Variants in ERC1 observed in about 807,000 individuals in gnomAD.
ERC1 encodes the protein RAB6 interacting protein 2.
A neutral mutation model predicts 132.0 loss-of-function variants in ERC1; 56 were observed. The observed-to-expected ratio is 0.42, with a 90% CI of 0.34 to 0.53. ERC1 has a LOEUF of 0.53. Ranked by LOEUF, ERC1 falls within the 20% of genes least tolerant of loss-of-function variation. The pLI is 0.03. For missense variants in ERC1, 1,202 were observed against 1,349.9 expected (o/e 0.89, Z 1.72); for synonymous variants, 478 against 476.1 (o/e 1.00, Z -0.05).
intron 2 of ERC1, among the ~76,000 whole-genome samples, chr12:1,043,980 AT>A (rs77692847): frequency 4.0e-5 from 6 of 151,590 alleles, no homozygotes; most frequent in East Asian, 3.9e-4. Flanking sequence ...GCATTATATA[AT>A]TTTTTTTTGA....
intron 15 of ERC1, among the ~76,000 whole-genome samples, chr12:1,363,860 G>A (rs887379604): frequency 6.6e-6 from 1 of 152,122 alleles, no homozygotes; most frequent in Non-Finnish European, 1.5e-5. Context: ...CCAACCATGA[G>A]TGTATTTCTC....
At chr12:1,344,953 A>G (rs2084295110) in intron 15 of ERC1, among the ~76,000 whole-genome samples, 1 of 152,128 alleles carries the variant, frequency 6.6e-6, no homozygotes, top group Admixed American at 6.6e-5. Context: ...CTTATTTGTT[A>G]TTCTTTTATA....
chr12:1,167,864 G>A (rs139751085), intron 8 of ERC1, among the ~76,000 whole-genome samples: 19 of 151,688 alleles, frequency 1.3e-4, no homozygotes, highest in African/African-American at 3.4e-4. Flanking sequence ...CTACAGGCGC[G>A]CGCCACCACA....
intron 14 of ERC1, among the ~76,000 whole-genome samples, chr12:1,284,103 A>C (rs1021055478): frequency 6.6e-6 from 1 of 151,964 alleles, no homozygotes; most frequent in Non-Finnish European, 1.5e-5. Context: ...TCTGTTCACT[A>C]TCTCCATGAA....
rs1398432182 is a variant in ERC1 at position 1,121,723 on chromosome 12, ATC to A, written c.1569+5694_1569+5695del. ...TATCTCTATCTGTGTCTCTATCTCT[ATC>A]TCTATCTCTATCTCTATCTATCTCT... On this transcript the variant is annotated intron_variant, in intron 7 of 18. Transcript: ENST00000360905. Among the ~76,000 whole-genome samples the A allele has an allele frequency of 2.7e-3, 16 of 5,854 alleles. 1 individual carries two copies. Among genetic ancestry groups the A allele is most frequent in the African/African-American group, 4.3e-3 (14 of 3,260 alleles). The allele number at this position is 5,854 out of a possible 152,430, so 3.8% of individuals were successfully genotyped here.
chr12:1,193,179 G>T (rs1333209332), intron 12 of ERC1, among the ~76,000 whole-genome samples: 1 of 152,120 alleles, frequency 6.6e-6, no homozygotes, highest in Non-Finnish European at 1.5e-5. Flanking sequence ...GTGATCTAAA[G>T]AAATAAATAA....
intron 8 of ERC1, among the ~76,000 whole-genome samples, chr12:1,143,645 C>A (rs926631221): frequency 2.0e-5 from 3 of 150,900 alleles, no homozygotes; most frequent in Non-Finnish European, 2.9e-5. Flanking sequence ...TTATCATCTC[C>A]TGCCTTTAAT....
intron 7 of ERC1, among the ~76,000 whole-genome samples, chr12:1,127,712 T>C (rs1294680072): frequency 1.3e-5 from 2 of 152,206 alleles, no homozygotes; most frequent in Non-Finnish European, 2.9e-5. Context: ...AATCACCCTC[T>C]GTGTTTCTAA....
intron 18 of ERC1, among the ~76,000 whole-genome samples, chr12:1,479,290 G>C (rs1443240067): frequency 2.6e-5 from 4 of 152,028 alleles, no homozygotes; most frequent in Non-Finnish European, 4.4e-5. Flanking sequence ...TTACTCTTTG[G>C]AATCAGCTCG....
At chr12:1,130,315 A>G (rs568117656) in intron 7 of ERC1, among the ~76,000 whole-genome samples, 1 of 152,194 alleles carries the variant, frequency 6.6e-6, no homozygotes, top group Non-Finnish European at 1.5e-5. Context: ...AGAGAAAGCT[A>G]TAAGGAATTC....
chr12:1,260,295 T>A (rs917223877), intron 13 of ERC1, among the ~76,000 whole-genome samples: 38 of 152,226 alleles, frequency 2.5e-4, no homozygotes, highest in African/African-American at 9.2e-4. Flanking sequence ...AAAACTCCAG[T>A]GTCTTCTGAT....
chr12:1,431,672 C>G (rs1304934122), intron 17 of ERC1, among the ~76,000 whole-genome samples: 1 of 152,010 alleles, frequency 6.6e-6, no homozygotes, highest in Non-Finnish European at 1.5e-5. Context: ...TCCATTTAGC[C>G]AATGTTTTAT....
intron 1 of ERC1, among the ~76,000 whole-genome samples, chr12:999,666 C>T (rs896161409): frequency 1.6e-5 from 2 of 128,904 alleles, no homozygotes; most frequent in Non-Finnish European, 3.1e-5. Context: ...GGCTGGAGTG[C>T]AATGGTGCAA....
At chr12:1,209,757 T>C (rs1957689563) in intron 12 of ERC1, among the ~76,000 whole-genome samples, 1 of 152,226 alleles carries the variant, frequency 6.6e-6, no homozygotes, top group Non-Finnish European at 1.5e-5. Context: ...TGTTGGTCTG[T>C]TGAGCGTGCT....
intron 12 of ERC1, among the ~76,000 whole-genome samples, chr12:1,217,078 T>C (rs570272215): frequency 6.6e-6 from 1 of 152,238 alleles, no homozygotes; most frequent in Non-Finnish European, 1.5e-5. Flanking sequence ...CTTTCCTCTG[T>C]CATTATGAAT....
intron 2 of ERC1, among the ~76,000 whole-genome samples, chr12:1,041,205 CTTTCT>C (rs1179652079): frequency 1.5e-5 from 2 of 133,330 alleles, no homozygotes; most frequent in East Asian, 2.9e-4. Flanking sequence ...GCAAGTCTCT[CTTTCT>C]TTTTTTTTTT....
intron 15 of ERC1, among the ~76,000 whole-genome samples, chr12:1,312,459 A>G (rs1225445272): frequency 6.6e-6 from 1 of 151,886 alleles, no homozygotes; most frequent in Non-Finnish European, 1.5e-5. Context: ...CCCGGGTTTG[A>G]GTGATTCTCA....
chr12:1,130,887 T>A (rs1027617972), intron 7 of ERC1, among the ~76,000 whole-genome samples: 1 of 152,200 alleles, frequency 6.6e-6, no homozygotes, highest in African/African-American at 2.4e-5. Flanking sequence ...ATAGGATATA[T>A]CATTTAGAGT....
intron 18 of ERC1, among the ~76,000 whole-genome samples, chr12:1,474,560 T>C (rs1232045023): frequency 6.6e-6 from 1 of 152,096 alleles, no homozygotes; most frequent in Admixed American, 6.6e-5. Context: ...AGAGAGAAAA[T>C]GTTGTTTCTG....
Sources: gnomAD v4.1 joint callset for allele counts (sites outside exome capture counted in the v4.1 genomes callset) on GRCh38, gnomAD v4.1.1 for gene constraint, MANE v1.5 for transcripts, NCBI Gene and HGNC (gene_info 2026-07-23, HGNC 2026-07-21) for gene names.